Variants in GRM7 observed in about 807,000 individuals in gnomAD.
GRM7 encodes glutamate metabotropic receptor 7, also known as metabotropic glutamate receptor 7.
Under a neutral mutation model 84.5 loss-of-function variants are expected in GRM7, and 35 were observed. The observed-to-expected ratio is 0.41, with a 90% confidence interval of 0.32 to 0.55. The LOEUF is 0.55. Among genes scored for constraint, GRM7 ranks in the 20% least tolerant of loss-of-function variants. The pLI, the probability that GRM7 is intolerant of heterozygous loss-of-function variation, is 0.19. For missense variants in GRM7, 1,003 were observed against 1,194.6 expected (o/e 0.84, Z 2.36); for synonymous variants, 487 against 455.1 (o/e 1.07, Z -0.89).
intron 4 of GRM7, among the ~76,000 whole-genome samples, chr3:7,331,280 G>C (rs571992766): frequency 6.6e-6 from 1 of 152,338 alleles, no homozygotes; most frequent in East Asian, 1.9e-4. Context: ...AGTAGAGTGA[G>C]CGTGTCTGAA....
intron 7 of GRM7, among the ~76,000 whole-genome samples, chr3:7,574,199 G>A (rs1278923610): frequency 7.4e-5 from 10 of 135,290 alleles, no homozygotes; most frequent in Admixed American, 6.5e-4. Flanking sequence ...TTGCTGTGTT[G>A]CCCAGGCTGG....
intron 7 of GRM7, among the ~76,000 whole-genome samples, chr3:7,525,920 G>A (rs1700788204): frequency 6.6e-6 from 1 of 152,106 alleles, no homozygotes; most frequent in Non-Finnish European, 1.5e-5. Context: ...GTATTCCATG[G>A]CATATATGTT....
intron 8 of GRM7, among the ~76,000 whole-genome samples, chr3:7,650,717 G>T (rs1698893087): frequency 6.6e-6 from 1 of 152,098 alleles, no homozygotes; most frequent in Non-Finnish European, 1.5e-5. Flanking sequence ...ACAATATTTT[G>T]CTTTTATTTA....
At chr3:7,511,367 C>T (rs1276495478) in intron 7 of GRM7, among the ~76,000 whole-genome samples, 2 of 150,562 alleles carry the variant, frequency 1.3e-5, no homozygotes, top group Non-Finnish European at 2.9e-5. Context: ...TCCCTTCTCC[C>T]TTCAAAGATA....
chr3:7,559,091 T>C (rs1361263276), intron 7 of GRM7: 2 of 152,016 alleles, frequency 1.3e-5, no homozygotes, highest in African/African-American at 2.4e-5. Context: ...GCAAGAAAGA[T>C]TGGAGAGTGC....
intron 2 of GRM7, among the ~76,000 whole-genome samples, chr3:7,247,563 C>A (rs114220748): frequency 6.9e-6 from 1 of 144,898 alleles, no homozygotes; most frequent in East Asian, 2.0e-4. Context: ...TGTGCCACTC[C>A]AGCCTGGGTA....
intron 7 of GRM7, among the ~76,000 whole-genome samples, chr3:7,566,348 T>A (rs1433339201): frequency 5.9e-5 from 9 of 152,144 alleles, no homozygotes; most frequent in Non-Finnish European, 1.3e-4. Context: ...ATGAGTCCAG[T>A]TTTGAACAAA....
intron 2 of GRM7, among the ~76,000 whole-genome samples, chr3:7,286,675 C>T (rs1179032818): frequency 3.3e-4 from 50 of 152,152 alleles, no homozygotes; most frequent in Non-Finnish European, 1.0e-4. Context: ...TTTATTCAAT[C>T]ACTTGTGTCT....
intron 7 of GRM7, among the ~76,000 whole-genome samples, chr3:7,542,738 G>A (rs1281484570): frequency 6.6e-6 from 1 of 151,906 alleles, no homozygotes; most frequent in Non-Finnish European, 1.5e-5. Context: ...AGTAGAGACA[G>A]GTTTTCACCA....
intron 1 of GRM7, among the ~76,000 whole-genome samples, chr3:7,018,742 G>C (rs138617881): frequency 1.9e-4 from 29 of 152,370 alleles, no homozygotes; most frequent in Non-Finnish European, 3.5e-4. Context: ...AGTGGCACAA[G>C]AGATGTCCTA....
intron 7 of GRM7, among the ~76,000 whole-genome samples, chr3:7,491,783 T>C (rs912622257): frequency 3.3e-5 from 5 of 152,320 alleles, no homozygotes; most frequent in Non-Finnish European, 7.4e-5. Context: ...TTAAATAAGA[T>C]AAAGCATGGA....
intron 1 of GRM7, among the ~76,000 whole-genome samples, chr3:7,028,397 G>T (rs978887480): frequency 6.6e-6 from 1 of 152,122 alleles, no homozygotes; most frequent in Non-Finnish European, 1.5e-5. Flanking sequence ...TTATTGGATG[G>T]TTCAAGAGTG....
intron 7 of GRM7, among the ~76,000 whole-genome samples, chr3:7,476,114 G>A (rs1698911199): frequency 2.6e-5 from 4 of 152,132 alleles, no homozygotes; most frequent in Admixed American, 2.0e-4. Context: ...AGGCTGCCTG[G>A]GTTTAAATCC....
chr3:7,382,416 G>A (rs1014149630), intron 4 of GRM7, among the ~76,000 whole-genome samples: 1 of 152,104 alleles, frequency 6.6e-6, no homozygotes, highest in Non-Finnish European at 1.5e-5. Context: ...ACAGGGCTGC[G>A]ATGGTGTGTA....
intron 9 of GRM7, among the ~76,000 whole-genome samples, chr3:7,711,127 T>A (rs763814172): frequency 6.6e-6 from 1 of 152,164 alleles, no homozygotes; most frequent in Admixed American, 6.5e-5. Context: ...TTTACCCAAG[T>A]GGCACTTATG....
At chr3:7,023,964 G>T (rs981934338) in intron 1 of GRM7, among the ~76,000 whole-genome samples, 4 of 152,138 alleles carry the variant, frequency 2.6e-5, no homozygotes, top group Non-Finnish European at 4.4e-5. Context: ...CTAGGTGGGT[G>T]ATGGAGACCA....
intron 2 of GRM7, among the ~76,000 whole-genome samples, chr3:7,177,573 G>A (rs1374492261): frequency 6.6e-6 from 1 of 151,054 alleles, no homozygotes; most frequent in Non-Finnish European, 1.5e-5. Flanking sequence ...AAGGAAGGAA[G>A]GCGGGCGACA....
rs2124858989 is a variant in GRM7 at position 7,215,517 on chromosome 3, T to G, written c.736+68849T>G. On this transcript the variant is annotated intron_variant, in intron 2 of 9. Coordinates refer to ENST00000357716, the MANE Select transcript of GRM7 (RefSeq NM_000844.4). The stretch of plus-strand genomic sequence containing the variant: ...GTCTCTACTAAAAATACAAAAAAAT[T>G]AGCCAGGCGTGGTGGTGGGCGCCTG... Among the ~76,000 whole-genome samples, 3 of 151,870 alleles carry G rather than the reference T, an allele frequency of 2.0e-5. 1 individual carries two copies. The highest frequency in any genetic ancestry group is 4.4e-5 in the Non-Finnish European group (3 of 67,926).
chr3:7,171,292 C>G (rs1344499574), intron 2 of GRM7, among the ~76,000 whole-genome samples: 1 of 152,050 alleles, frequency 6.6e-6, no homozygotes, highest in Non-Finnish European at 1.5e-5. Flanking sequence ...GTCCAAATGT[C>G]CCCCTTTTTA....
Sources: gnomAD v4.1 joint callset for allele counts (sites outside exome capture counted in the v4.1 genomes callset) on GRCh38, gnomAD v4.1.1 for gene constraint, MANE v1.5 for transcripts, NCBI Gene and HGNC (gene_info 2026-07-23, HGNC 2026-07-21) for gene names.